The following KCNQ3 variants were observed in gnomAD, a reference collection of about 807,000 sequenced individuals.
The protein encoded by KCNQ3 is potassium voltage-gated channel subfamily KQT member 3.
In KCNQ3, 30 loss-of-function variants were observed where a neutral mutation model predicts 92.5. That is an observed-to-expected ratio of 0.32 (90% CI 0.24 to 0.44). KCNQ3 has a LOEUF of 0.44. Among genes scored for constraint, KCNQ3 ranks in the 20% least tolerant of loss-of-function variants. The probability of loss-of-function intolerance (pLI) is 1.00; values close to 1 mark genes in which losing one functional copy is unlikely to be tolerated. For synonymous variants in KCNQ3, 450 were observed against 468.8 expected (o/e 0.96, Z 0.52); for missense variants, 913 against 1,140.3 (o/e 0.80, Z 2.87).
chr8:132,309,108 A>G, intron 1 of KCNQ3, among the ~76,000 whole-genome samples: 1 of 152,106 alleles, frequency 6.6e-6, no homozygotes, highest in Non-Finnish European at 1.5e-5. Flanking sequence ...GCATGAAAAG[A>G]CTAGACTGGT....
At chr8:132,359,755 T>C (rs1385903824) in intron 1 of KCNQ3, among the ~76,000 whole-genome samples, 3 of 152,174 alleles carry the variant, frequency 2.0e-5, no homozygotes, top group Non-Finnish European at 4.4e-5. Flanking sequence ...TTTGTATTCA[T>C]TCAATTAATT....
At chr8:132,313,261 A>C (rs1817647348) in intron 1 of KCNQ3, among the ~76,000 whole-genome samples, 2 of 152,256 alleles carry the variant, frequency 1.3e-5, no homozygotes, top group Non-Finnish European at 2.9e-5. Context: ...CCTGAAGAAT[A>C]GTTTAGAAAA....
At chr8:132,273,392 C>T (rs1816222448) in intron 1 of KCNQ3, among the ~76,000 whole-genome samples, 4 of 152,210 alleles carry the variant, frequency 2.6e-5, no homozygotes, top group Admixed American at 2.6e-4. Context: ...GCTGGAGTGG[C>T]TGGAATGCAG....
intron 9 of KCNQ3, among the ~76,000 whole-genome samples, chr8:132,159,931 C>G (rs1041990038): frequency 2.6e-5 from 4 of 152,172 alleles, no homozygotes; most frequent in African/African-American, 9.7e-5. Flanking sequence ...GAAAGCCAAC[C>G]ATGTGTCAGG....
chr8:132,327,582 C>T (rs552517027), intron 1 of KCNQ3, among the ~76,000 whole-genome samples: 5 of 152,226 alleles, frequency 3.3e-5, no homozygotes, highest in African/African-American at 1.2e-4. Flanking sequence ...ATCTGCAAGA[C>T]CAAGGGGATG....
chr8:132,376,779 T>G (rs145690640), intron 1 of KCNQ3, among the ~76,000 whole-genome samples: 1 of 152,286 alleles, frequency 6.6e-6, no homozygotes, highest in East Asian at 1.9e-4. Context: ...TTCTCTTCAT[T>G]TCATTAAGAA....
intron 1 of KCNQ3, among the ~76,000 whole-genome samples, chr8:132,256,308 G>A (rs1036065879): frequency 2.6e-5 from 4 of 151,840 alleles, no homozygotes; most frequent in Non-Finnish European, 5.9e-5. Context: ...TTCAAATTGA[G>A]GAATAAAAAG....
At chr8:132,404,514 C>A (rs1315292196) in intron 1 of KCNQ3, among the ~76,000 whole-genome samples, 1 of 152,182 alleles carries the variant, frequency 6.6e-6, no homozygotes, top group Non-Finnish European at 1.5e-5. Flanking sequence ...TAAAGCTTCC[C>A]TGATAAAGGC....
intron 9 of KCNQ3, among the ~76,000 whole-genome samples, chr8:132,160,801 T>A (rs1825961489): frequency 6.6e-6 from 1 of 152,054 alleles, no homozygotes; most frequent in Non-Finnish European, 1.5e-5. Flanking sequence ...TTCTCAGGCT[T>A]TCTGATTCTA....
intron 1 of KCNQ3, among the ~76,000 whole-genome samples, chr8:132,212,195 C>T (rs1351574762): frequency 6.6e-6 from 1 of 152,084 alleles, no homozygotes; most frequent in Non-Finnish European, 1.5e-5. Context: ...ACACACAGAA[C>T]ATAGGCTCAC....
At chr8:132,381,136 T>C (rs947758244) in intron 1 of KCNQ3, among the ~76,000 whole-genome samples, 2 of 152,100 alleles carry the variant, frequency 1.3e-5, no homozygotes, top group African/African-American at 4.8e-5. Flanking sequence ...CACCACAAGG[T>C]TGGTCCGTTA....
At chr8:132,232,128 C>T (rs1814664167) in intron 1 of KCNQ3, among the ~76,000 whole-genome samples, 1 of 152,218 alleles carries the variant, frequency 6.6e-6, no homozygotes, top group African/African-American at 2.4e-5. Context: ...GCTCATTCCC[C>T]TATATCAGAG....
rs76958290 is a variant in KCNQ3, at chr8:132,306,535, A to G, written c.387-120354T>C. Among the ~76,000 whole-genome samples, 385 of 152,340 alleles carry G rather than the reference A, an allele frequency of 2.5e-3. 1 individual carries two copies. The highest frequency in any genetic ancestry group is 8.7e-3 in the African/African-American group (361 of 41,574). Reference sequence around the variant, plus strand: ...AACCTCAAATGGATCTTCCTATCCAATTCACAAATCTGTTTCCCAGCAGTG... The same window carrying G: ...AACCTCAAATGGATCTTCCTATCCAGTTCACAAATCTGTTTCCCAGCAGTG... On this transcript the variant is annotated intron_variant, in intron 1 of 14. Coordinates refer to ENST00000388996, the MANE Select transcript of KCNQ3 (RefSeq NM_004519.4).
intron 3 of KCNQ3, among the ~76,000 whole-genome samples, chr8:132,182,326 A>G (rs182265086): frequency 1.1e-4 from 16 of 152,348 alleles, no homozygotes; most frequent in African/African-American, 3.6e-4. Context: ...TCTTCACTCA[A>G]AATGGCAGGG....
At chr8:132,365,136 C>A (rs878905768) in intron 1 of KCNQ3, among the ~76,000 whole-genome samples, 1 of 152,108 alleles carries the variant, frequency 6.6e-6, no homozygotes, top group Admixed American at 6.5e-5. Context: ...ATATTCATTC[C>A]TTTTTACACC....
At chr8:132,385,205 T>C (rs1228906116) in intron 1 of KCNQ3, among the ~76,000 whole-genome samples, 2 of 152,262 alleles carry the variant, frequency 1.3e-5, no homozygotes, top group East Asian at 3.8e-4. Flanking sequence ...AGAGATTGCG[T>C]GAAGTCAGTT....
In KCNQ3 at chr8:132,479,949, A is replaced by AAC. The variant is rs371967111; in HGVS notation, c.386+196_386+197dup. 0.17 allele frequency among the ~76,000 whole-genome samples: 22,681 copies of AAC among 136,946 alleles called. 1,983 individuals are homozygous for AAC. Among genetic ancestry groups the AAC allele is most frequent in the Non-Finnish European group, 0.21 (13,102 of 63,774 alleles). The allele number at this position is 136,946 out of a possible 152,430, so 89.8% of individuals were successfully genotyped here. A position where few individuals can be genotyped will look rare whatever the true frequency, so the allele number is the denominator to read the frequency against. On this transcript the variant is annotated intron_variant, in intron 1 of 14. Transcript: ENST00000388996. The stretch of plus-strand genomic sequence containing the variant: ...TAGTGTGGAACACCCGGAGAGCGGC[A>AAC]ACACACACACACACACACACACACA...
At chr8:132,269,487 T>C (rs1816086821) in intron 1 of KCNQ3, among the ~76,000 whole-genome samples, 1 of 152,244 alleles carries the variant, frequency 6.6e-6, no homozygotes, top group Non-Finnish European at 1.5e-5. Flanking sequence ...CTCCATTGTA[T>C]TGCCTTTTCT....
intron 1 of KCNQ3, among the ~76,000 whole-genome samples, chr8:132,437,720 G>C (rs1821432374): frequency 6.6e-6 from 1 of 152,116 alleles, no homozygotes; most frequent in African/African-American, 2.4e-5. Flanking sequence ...GGTTGCTTGG[G>C]AGAGATACAT....
Sources: allele counts gnomAD v4.1 joint callset (sites outside exome capture counted in the v4.1 genomes callset), GRCh38; gene constraint gnomAD v4.1.1; transcripts MANE v1.5; gene names NCBI Gene and HGNC (gene_info 2026-07-23, HGNC 2026-07-21).